LRRFIP1: variants seen among roughly 807,000 people sequenced by gnomAD.
LRRFIP1 encodes the protein leucine-rich repeat flightless-interacting protein 1.
Under a neutral mutation model 104.4 loss-of-function variants are expected in LRRFIP1, and 62 were observed. The observed-to-expected ratio is 0.59, with a 90% CI of 0.48 to 0.73. The LOEUF is 0.73. Among genes scored for constraint, LRRFIP1 ranks in the 30% least tolerant of loss-of-function variants. LRRFIP1 has a pLI of 0.00. For missense variants in LRRFIP1, 796 were observed against 824.5 expected (o/e 0.97, Z 0.42); for synonymous variants, 300 against 299.0 (o/e 1.00, Z -0.03).
At chr2:237,714,338 G>A in intron 3 of LRRFIP1, 62 bp downstream of exon 3, 5 of 1,368,466 alleles carry the variant, frequency 3.7e-6, no homozygotes, top group Non-Finnish European at 5.1e-6. Flanking sequence ...CCAAGGGCCT[G>A]GTCACCTTTC....
At chr2:237,772,592 C>A in intron 21 of LRRFIP1, 1 of 531,408 alleles carries the variant, frequency 1.9e-6, no homozygotes, top group African/African-American at 1.9e-5. Context: ...GCCCTTTTCC[C>A]TACCCCCTAC....
intron 12 of LRRFIP1, 134 bp downstream of exon 12, chr2:237,748,533 C>T: frequency 1.3e-6 from 1 of 756,142 alleles, no homozygotes; most frequent in Non-Finnish European, 2.2e-6. Context: ...CCCACCTAAC[C>T]TGGTATCACC....
At chr2:237,740,911 TG>T (rs1473815802) in intron 11 of LRRFIP1, among the ~76,000 whole-genome samples, 1 of 152,178 alleles carries the variant, frequency 6.6e-6, no homozygotes, top group African/African-American at 2.4e-5. Flanking sequence ...CATCCAGCCA[TG>T]GAGAGCAGGA....
rs564868144 is a variant in LRRFIP1, at chr2:237,733,834, A to C, written c.489+16A>C. 8 of 1,613,216 alleles carry C rather than the reference A, an allele frequency of 5.0e-6. No individual in the cohort carries two copies. The South Asian group carries it at 7.7e-5, about 16-fold the overall frequency. On this transcript the variant is annotated intron_variant, in intron 9 of 23. Coordinates refer to ENST00000308482, the MANE Select transcript of LRRFIP1 (RefSeq NM_001137550.2). ...GAGTTACCGGGTGCGTGTGCTGCCC[A>C]CCCTGCTGCCCCGCACCCCCTCCCA...
intron 17 of LRRFIP1, 53 bp downstream of exon 17, chr2:237,757,601 A>G: frequency 2.9e-6 from 4 of 1,379,064 alleles, no homozygotes; most frequent in Non-Finnish European, 4.0e-6. Context: ...TGCTTAGCAA[A>G]TAGAGTTTTT....
At chr2:237,770,906 TG>T (rs1165966170) in intron 20 of LRRFIP1, 1 of 152,212 alleles carries the variant, frequency 6.6e-6, no homozygotes, top group African/African-American at 2.4e-5. Context: ...CCTAATCAAA[TG>T]TATTTGCCTT....
chr2:237,740,932 T>G (rs1370285944), intron 11 of LRRFIP1, among the ~76,000 whole-genome samples: 2 of 152,164 alleles, frequency 1.3e-5, no homozygotes, highest in Non-Finnish European at 2.9e-5. Context: ...AAAATAGAGT[T>G]CAATATGGGT....
chr2:237,769,119 G>C (rs1029889892), intron 19 of LRRFIP1: 1 of 152,178 alleles, frequency 6.6e-6, no homozygotes, highest in Non-Finnish European at 1.5e-5. Flanking sequence ...TAATGATGTC[G>C]AAGCTGCTAG....
chr2:237,651,987 C>A (rs2086012059), intron 1 of LRRFIP1, among the ~76,000 whole-genome samples: 1 of 152,220 alleles, frequency 6.6e-6, no homozygotes, highest in Admixed American at 6.5e-5. Flanking sequence ...TCTGGCGTAC[C>A]TTTTGCTCCT....
Position 237,666,040 on chromosome 2 carries a change from C to T in LRRFIP1, c.96+38300C>T, listed in dbSNP as rs560022805. On this transcript the variant is annotated intron_variant, in intron 1 of 23. Transcript: ENST00000308482. ...TCACAAGCATGGACTCTGGCATGGA[C>T]GGCCCCACCCTGGCTGCACCACCGA... 1.8e-4 allele frequency among the ~76,000 whole-genome samples: 28 copies of T among 152,326 alleles called. No homozygotes were observed. In the South Asian group the frequency reaches 3.3e-3, roughly 18 times the overall value.
chr2:237,736,876 T>G (rs1559730531), intron 10 of LRRFIP1, among the ~76,000 whole-genome samples: 1 of 152,154 alleles, frequency 6.6e-6, no homozygotes. Flanking sequence ...ACCCTCACAG[T>G]TCCCCTCCAA....
At chr2:237,699,612 A>G (rs2093397339) in intron 1 of LRRFIP1, among the ~76,000 whole-genome samples, 1 of 152,194 alleles carries the variant, frequency 6.6e-6, no homozygotes, top group Admixed American at 6.5e-5. Context: ...TCGGCCTCCC[A>G]AAGTGCTGGG....
At position 237,753,301 on chromosome 2, in the gene LRRFIP1, T is replaced by G; in HGVS notation, c.868-8T>G. The G allele has an allele frequency of 6.4e-7, 1 of 1,560,544 alleles. No individual in the cohort carries two copies. Among genetic ancestry groups the G allele is most frequent in the Non-Finnish European group, 8.6e-7 (1 of 1,164,832 alleles). On this transcript the variant is annotated splice_region_variant and splice_polypyrimidine_tract_variant and intron_variant, in intron 14 of 23. Coordinates refer to ENST00000308482, the MANE Select transcript of LRRFIP1 (RefSeq NM_001137550.2). ...TGCAATTTCAAAAATATGACCTGCT[T>G]TCCACAGGACTCTCTAGCAGAAGTT...
chr2:237,755,094 C>T (rs2059111747), intron 15 of LRRFIP1, among the ~76,000 whole-genome samples: 1 of 152,186 alleles, frequency 6.6e-6, no homozygotes, highest in African/African-American at 2.4e-5. Context: ...AGGGAAGGAG[C>T]GTCCTGCAGG....
intron 19 of LRRFIP1, chr2:237,765,158 G>T (rs1425583406): frequency 1.1e-5 from 2 of 181,380 alleles, no homozygotes; most frequent in Non-Finnish European, 2.1e-5. Context: ...AGCCACTCCA[G>T]AGGCTGAGGC....
rs535252205 is a variant in LRRFIP1 at position 237,774,375 on chromosome 2, T to G, written c.1725T>G (p.Ser575Arg). 2.5e-6 allele frequency: 4 copies of G among 1,612,336 alleles called. No homozygotes were observed. The highest frequency in any genetic ancestry group is 3.4e-6 in the Non-Finnish European group (4 of 1,178,594). ...CCTTTTAGGTAATAAGGTTAGAGAG[T>G]CAAGTATCACGTTACAAATCAGCGG... ...ALEQNVIRLESQVSRYKSAAE... is the reference protein window; with the variant it reads ...ALEQNVIRLERQVSRYKSAAE... Residue 575 changes from serine to arginine, a missense_variant, in exon 23 of 24, where the codon AGT (serine) becomes AGG (arginine). Transcript: ENST00000308482.
chr2:237,720,422 A>AT (rs2094498167), intron 5 of LRRFIP1, among the ~76,000 whole-genome samples: 1 of 149,250 alleles, frequency 6.7e-6, no homozygotes, highest in Non-Finnish European at 1.5e-5. Context: ...TAATTTTTGT[A>AT]TTTTTTGTAG....
intron 20 of LRRFIP1, 159 bp from the exon 21 acceptor site, chr2:237,771,922 C>T: frequency 3.4e-6 from 2 of 595,466 alleles, no homozygotes; most frequent in Admixed American, 3.0e-5. Context: ...ATTTTTCATT[C>T]ATTGTACATT....
At position 237,743,900 on chromosome 2, in the gene LRRFIP1, A is replaced by C. The variant is rs1417190245; in HGVS notation, c.634-4464A>C. 3.3e-5 allele frequency among the ~76,000 whole-genome samples: 5 copies of C among 152,154 alleles called. No homozygotes were observed. In the East Asian group the frequency reaches 9.6e-4, roughly 29 times the overall value. On this transcript the variant is annotated intron_variant, in intron 11 of 23. Coordinates refer to ENST00000308482, the MANE Select transcript of LRRFIP1 (RefSeq NM_001137550.2). ...TCCAGGCCCCAAAATCTCACTGGGA[A>C]CCTGGTGAAGCCATCACGTTTCTGA... is the stretch of plus-strand genomic sequence containing the variant.
Sources: allele counts gnomAD v4.1 joint callset (sites outside exome capture counted in the v4.1 genomes callset), GRCh38; gene constraint gnomAD v4.1.1; transcripts MANE v1.5; gene names NCBI Gene and HGNC (gene_info 2026-07-23, HGNC 2026-07-21).